Variants in OCIAD1 observed in about 807,000 individuals in gnomAD.
OCIAD1 encodes OCIA domain containing 1.
Under a neutral mutation model 38.9 loss-of-function variants are expected in OCIAD1, and 29 were observed. The ratio of observed to expected loss-of-function variants is 0.74; its 90% CI spans 0.55 to 1.02. OCIAD1 has a LOEUF of 1.02. OCIAD1 is among the 50% of genes least tolerant of loss of function. The pLI is 0.00. For synonymous variants in OCIAD1, 110 were observed against 92.0 expected, an observed-to-expected ratio of 1.20 and a Z score of -1.12; for missense variants, 288 against 289.6, an observed-to-expected ratio of 0.99 and a Z score of 0.04.
chr4:48,840,746 C>T (rs1056002859), intron 3 of OCIAD1, among the ~76,000 whole-genome samples: 4 of 150,012 alleles, frequency 2.7e-5, no homozygotes, highest in African/African-American at 9.9e-5. Context: ...CCTGTAATCC[C>T]AGCACTTTGG....
At chr4:48,824,130 C>A (rs1406598765) in intron 1 of OCIAD1, among the ~76,000 whole-genome samples, 1 of 151,988 alleles carries the variant, frequency 6.6e-6, no homozygotes, top group African/African-American at 2.4e-5. Context: ...AGATGAGCAC[C>A]ATCATGCCCA....
chr4:48,814,250 T>G (rs1368479885), intron 1 of OCIAD1, among the ~76,000 whole-genome samples: 3 of 151,816 alleles, frequency 2.0e-5, no homozygotes, highest in Non-Finnish European at 2.9e-5. Context: ...TTTTTTTTTT[T>G]TTTTTAATCC....
intron 1 of OCIAD1, among the ~76,000 whole-genome samples, chr4:48,815,681 A>G (rs1777136612): frequency 6.6e-6 from 1 of 152,076 alleles, no homozygotes; most frequent in African/African-American, 2.4e-5. Flanking sequence ...TCAAATCTCT[A>G]CTCCACTGGC....
intron 4 of OCIAD1, among the ~76,000 whole-genome samples, chr4:48,847,650 C>T (rs1428360213): frequency 1.3e-5 from 2 of 152,182 alleles, no homozygotes; most frequent in African/African-American, 2.4e-5. Context: ...TTTGAAAGGA[C>T]TATGCTGCAG....
chr4:48,821,952 G>A (rs983374999), intron 1 of OCIAD1, among the ~76,000 whole-genome samples: 1 of 152,152 alleles, frequency 6.6e-6, no homozygotes, highest in South Asian at 2.1e-4. Flanking sequence ...TCAATACTGT[G>A]AAAATGGCCA....
At chr4:48,819,258 G>T (rs981652200) in intron 1 of OCIAD1, among the ~76,000 whole-genome samples, 5 of 151,894 alleles carry the variant, frequency 3.3e-5, no homozygotes, top group African/African-American at 1.2e-4. Flanking sequence ...AGAAGAGAGT[G>T]CAGGCCAACA....
At chr4:48,852,103 A>C in intron 7 of OCIAD1, 128 bp downstream of exon 7, 1 of 671,166 alleles carries the variant, frequency 1.5e-6, no homozygotes. Flanking sequence ...TAAACTCAGC[A>C]TGTTTGTTCA....
intron 7 of OCIAD1, 109 bp from the exon 8 acceptor site, chr4:48,857,104 T>C: frequency 3.8e-6 from 2 of 528,918 alleles, no homozygotes; most frequent in Admixed American, 3.7e-5. Context: ...TTTGATTCTT[T>C]ATTCTATTTT....
chr4:48,859,601 T>C (rs1434833696), intron 8 of OCIAD1, among the ~76,000 whole-genome samples: 1 of 152,160 alleles, frequency 6.6e-6, no homozygotes, highest in Non-Finnish European at 1.5e-5. Flanking sequence ...TTCTGTTACA[T>C]GACACAAGAA....
intron 7 of OCIAD1, among the ~76,000 whole-genome samples, chr4:48,853,346 C>T (rs556669867): frequency 1.2e-4 from 18 of 152,222 alleles, no homozygotes; most frequent in Admixed American, 3.9e-4. Context: ...TGTTTGCTTA[C>T]TCATTCCTGT....
intron 1 of OCIAD1, among the ~76,000 whole-genome samples, chr4:48,816,693 G>C (rs939868494): frequency 8.5e-5 from 13 of 152,142 alleles, no homozygotes; most frequent in Admixed American, 2.0e-4. Context: ...AACGGTGGCA[G>C]GGCACCGTGG....
At chr4:48,843,749 T>G (rs965377270) in intron 4 of OCIAD1, among the ~76,000 whole-genome samples, 3 of 152,194 alleles carry the variant, frequency 2.0e-5, no homozygotes, top group Non-Finnish European at 2.9e-5. Context: ...AAACCCCACT[T>G]GAATTACATT....
intron 1 of OCIAD1, among the ~76,000 whole-genome samples, chr4:48,832,219 T>A (rs1244826092): frequency 2.6e-5 from 4 of 152,208 alleles, no homozygotes; most frequent in Admixed American, 6.5e-5. Flanking sequence ...ACTTGAAATT[T>A]TTTTTCTCTT....
Position 48,860,713 on chromosome 4 carries a change from C to CT in OCIAD1, c.701-6dup, listed in dbSNP as rs1560446229. The CT allele has an allele frequency of 6.4e-7, 1 of 1,570,950 alleles. No individual in the cohort carries two copies. The highest frequency in any genetic ancestry group is 8.8e-7 in the Non-Finnish European group (1 of 1,142,556). Reference sequence around the variant, plus strand: ...TGCTTGGAATCATCAATTATTTATGCTTTTTTCCTAGTCAAAGTAAACAAG... The same window carrying CT: ...TGCTTGGAATCATCAATTATTTATGCTTTTTTTCCTAGTCAAAGTAAACAAG... On this transcript the variant is annotated splice_polypyrimidine_tract_variant and intron_variant, in intron 8 of 8. Transcript: ENST00000264312.
rs1322271822 is a variant in OCIAD1 at position 48,857,252 on chromosome 4, A to G, written c.587A>G (p.Asn196Ser). 1 of 1,576,520 alleles carries G rather than the reference A, an allele frequency of 6.3e-7. No individual in the cohort carries two copies. Among genetic ancestry groups the G allele is most frequent in the South Asian group, 1.2e-5 (1 of 83,644 alleles). Residue 196 changes from asparagine to serine, a missense_variant, in exon 8 of 9, where the codon AAT (asparagine) becomes AGT (serine). Transcript: ENST00000264312. Reference sequence around the variant, plus strand: ...CTTGAAGAAAGTCCTAAAAGAAAAAATATTACATATGAGGAATTAAGGAAT... The same window carrying G: ...CTTGAAGAAAGTCCTAAAAGAAAAAGTATTACATATGAGGAATTAAGGAAT... ...PNLEESPKRK[N>S]ITYEELRNKN...
intron 1 of OCIAD1, chr4:48,831,662 A>T: frequency 2.6e-6 from 2 of 764,830 alleles, no homozygotes; most frequent in Non-Finnish European, 3.9e-6. Context: ...GGATGCCGTT[A>T]TGGGAAATAA....
intron 1 of OCIAD1, chr4:48,831,567 C>T (rs1381520508): frequency 1.2e-5 from 16 of 1,289,808 alleles, no homozygotes; most frequent in Non-Finnish European, 1.6e-5. Context: ...GGCTTTAATC[C>T]AGCGTTGTTT....
intron 1 of OCIAD1, among the ~76,000 whole-genome samples, chr4:48,809,085 C>G (rs1777060051): frequency 6.6e-6 from 1 of 152,176 alleles, no homozygotes; most frequent in South Asian, 2.1e-4. Context: ...CTAAAACAGC[C>G]TTAGTTAATA....
chr4:48,841,322 T>C (rs1161574825), intron 3 of OCIAD1, among the ~76,000 whole-genome samples: 1 of 152,186 alleles, frequency 6.6e-6, no homozygotes, highest in Non-Finnish European at 1.5e-5. Flanking sequence ...ATGTAGCAAT[T>C]TAACTTTAAA....
Sources: gnomAD v4.1 joint callset for allele counts (sites outside exome capture counted in the v4.1 genomes callset) on GRCh38, gnomAD v4.1.1 for gene constraint, MANE v1.5 for transcripts, NCBI Gene and HGNC (gene_info 2026-07-23, HGNC 2026-07-21) for gene names.